IKZF3: variants seen among roughly 807,000 people sequenced by gnomAD.
IKZF3 encodes IKAROS family zinc finger 3.
IKZF3 carries 10 observed loss-of-function variants against 49.0 expected under a neutral mutation model. The observed-to-expected ratio is 0.20, with a 90% confidence interval of 0.13 to 0.35. IKZF3 has a LOEUF of 0.35. Among genes scored for constraint, IKZF3 ranks in the 10% least tolerant of loss-of-function variants. The probability of loss-of-function intolerance (pLI) is 1.00; values close to 1 mark genes in which losing one functional copy is unlikely to be tolerated. For missense variants in IKZF3, 498 were observed against 664.8 expected (o/e 0.75, Z 2.76); for synonymous variants, 209 against 228.2 (o/e 0.92, Z 0.76).
intron 7 of IKZF3, among the ~76,000 whole-genome samples, chr17:39,769,786 T>A (rs928579489): frequency 6.6e-6 from 1 of 152,238 alleles, no homozygotes; most frequent in Non-Finnish European, 1.5e-5. Context: ...GGTAGGCACA[T>A]CACAAACTCT....
intron 1 of IKZF3, among the ~76,000 whole-genome samples, chr17:39,859,464 C>T (rs1039793533): frequency 4.6e-5 from 7 of 151,610 alleles, no homozygotes; most frequent in African/African-American, 1.2e-4. Flanking sequence ...TCATGGCTCA[C>T]GGTAGCCTCG....
chr17:39,829,803 T>G (rs1003225371), intron 2 of IKZF3, among the ~76,000 whole-genome samples: 2 of 151,914 alleles, frequency 1.3e-5, no homozygotes, highest in African/African-American at 4.8e-5. Flanking sequence ...AATACAAAAA[T>G]TAGTTGGGCA....
At chr17:39,816,010 C>T (rs1002957872) in intron 3 of IKZF3, among the ~76,000 whole-genome samples, 5 of 152,124 alleles carry the variant, frequency 3.3e-5, no homozygotes, top group African/African-American at 1.2e-4. Flanking sequence ...ACTAAACATA[C>T]TCTTAAAAAT....
rs148968019 is a variant in IKZF3 at position 39,788,276 on chromosome 17, T to G, written c.691A>C (p.Thr231Pro). 2.7e-5 allele frequency: 44 copies of G among 1,612,592 alleles called. No individual in the cohort carries two copies. In the East Asian group the frequency reaches 9.4e-4, roughly 34 times the overall value. The change falls in exon 6 of 8, where the codon ACT (threonine) becomes CCT (proline). Residue 231 changes from threonine (T) to proline (P), a missense_variant. By Grantham distance (38) the Thr-to-Pro change is conservative. Coordinates refer to ENST00000346872, the MANE Select transcript of IKZF3 (RefSeq NM_012481.5). ...AACTCACCAGTGTCCCCTGGGTCAG[T>G]GCTCTGAAGAAATGTACGGCAGCGC... ...KERCRTFLQS[T>P]DPGDTASAEA...
chr17:39,788,439 G>T, intron 5 of IKZF3, 65 bp from the exon 6 acceptor site: 2 of 947,356 alleles, frequency 2.1e-6, no homozygotes, highest in Non-Finnish European at 3.5e-6. Context: ...AGGTATTGGG[G>T]CTCTGTGACA....
chr17:39,861,767 G>A (rs1268125059), intron 1 of IKZF3, among the ~76,000 whole-genome samples: 1 of 152,062 alleles, frequency 6.6e-6, no homozygotes, highest in Non-Finnish European at 1.5e-5. Flanking sequence ...TTTGGTGTAG[G>A]GGCATTCAGC....
chr17:39,856,159 T>A (rs997907434), intron 1 of IKZF3, among the ~76,000 whole-genome samples: 1 of 152,144 alleles, frequency 6.6e-6, no homozygotes, highest in African/African-American at 2.4e-5. Flanking sequence ...TAAGGTTACA[T>A]GTTACATGTC....
chr17:39,864,133 GC>G lies in IKZF3; in HGVS notation c.-8del. On this transcript the variant is annotated 5_prime_UTR_variant, in exon 1 of 8. Transcript: ENST00000346872. ...CTGGAGGCTCACCTTCCATGTCGCTGCCGGGCCGGGCTGGAGCTGCCGCTGT... is the reference window on the plus strand; with the variant it reads ...CTGGAGGCTCACCTTCCATGTCGCTGCGGGCCGGGCTGGAGCTGCCGCTGT... 6.2e-7 allele frequency: 1 copy of G among 1,612,288 alleles called. No homozygotes were observed. Among genetic ancestry groups the G allele is most frequent in the South Asian group, 1.1e-5 (1 of 91,044 alleles).
chr17:39,817,935 C>T (rs948040003), intron 3 of IKZF3, among the ~76,000 whole-genome samples: 2 of 152,100 alleles, frequency 1.3e-5, no homozygotes, highest in African/African-American at 4.8e-5. Flanking sequence ...TCACATGCTC[C>T]TTAATGATGG....
At chr17:39,798,780 C>CA (rs2061241076) in intron 3 of IKZF3, among the ~76,000 whole-genome samples, 1 of 152,154 alleles carries the variant, frequency 6.6e-6, no homozygotes, top group African/African-American at 2.4e-5. Flanking sequence ...GCTGGGATTA[C>CA]AGGCATGAGC....
At chr17:39,857,850 A>C (rs1350431228) in intron 1 of IKZF3, among the ~76,000 whole-genome samples, 1 of 151,924 alleles carries the variant, frequency 6.6e-6, no homozygotes, top group African/African-American at 2.4e-5. Flanking sequence ...CCAGCTACGC[A>C]TGGTGGCACA....
At chr17:39,796,025 G>C (rs1374869142) in intron 3 of IKZF3, among the ~76,000 whole-genome samples, 1 of 151,990 alleles carries the variant, frequency 6.6e-6, no homozygotes, top group African/African-American at 2.4e-5. Context: ...CTGGGCGACA[G>C]AGCGAGACGC....
At chr17:39,784,898 T>A (rs142163118) in intron 6 of IKZF3, among the ~76,000 whole-genome samples, 1 of 152,212 alleles carries the variant, frequency 6.6e-6, no homozygotes, top group African/African-American at 2.4e-5. Context: ...TTTTTATCCA[T>A]CTGCTTGCTT....
Position 39,766,104 on chromosome 17 carries a change from T to C in IKZF3, c.1216A>G (p.Met406Val), listed in dbSNP as rs2060283864. The change falls in exon 8 of 8, where the codon ATG (methionine) becomes GTG (valine). Residue 406 changes from methionine to valine, a missense_variant. Coordinates refer to ENST00000346872, the MANE Select transcript of IKZF3 (RefSeq NM_012481.5). ...CCATTGCGGGCCCGAGACAGGACCA[T>C]GTGATTTTGCTGATAGATGTGATTC... is the stretch of plus-strand genomic sequence containing the variant. ...RQNHIYQQNH[M>V]VLSRARNGMP... The C allele has an allele frequency of 1.2e-6, 2 of 1,614,026 alleles. No homozygotes were observed. The highest frequency in any genetic ancestry group is 1.1e-5 in the South Asian group (1 of 91,072).
chr17:39,801,544 A>G (rs1036137128), intron 3 of IKZF3, among the ~76,000 whole-genome samples: 2 of 152,240 alleles, frequency 1.3e-5, no homozygotes, highest in Admixed American at 1.3e-4. Context: ...CTGTCGCCCA[A>G]TCTAGCACAA....
Position 39,864,239 on chromosome 17 carries a change from TCC to T in IKZF3, c.-115_-114del. 7.9e-7 allele frequency: 1 copy of T among 1,261,422 alleles called. No individual in the cohort carries two copies. Among genetic ancestry groups the T allele is most frequent in the East Asian group, 2.6e-5 (1 of 38,834 alleles). The allele number at this position is 1,261,422 out of a possible 1,614,324, so 78.1% of individuals were successfully genotyped here. A position where few individuals can be genotyped will look rare whatever the true frequency, so the allele number is the denominator to read the frequency against. Reference sequence around the variant, plus strand: ...GGCGGGAGATTCCCGGCGCGGGGAGTCCCCGGGATCCGGCAGCCGCGTCGGCG... The same window carrying T: ...GGCGGGAGATTCCCGGCGCGGGGAGTCCGGGATCCGGCAGCCGCGTCGGCG... On this transcript the variant is annotated 5_prime_UTR_variant, in exon 1 of 8. Transcript: ENST00000346872.
chr17:39,818,813 G>A (rs994209409), intron 3 of IKZF3, among the ~76,000 whole-genome samples: 2 of 152,108 alleles, frequency 1.3e-5, no homozygotes, highest in Non-Finnish European at 2.9e-5. Context: ...AGCTGAGCTC[G>A]CACCACCGCA....
intron 7 of IKZF3, 36 bp downstream of exon 7, chr17:39,777,614 CT>C (rs750640356): frequency 2.1e-6 from 3 of 1,423,680 alleles, no homozygotes; most frequent in Non-Finnish European, 3.0e-6. Flanking sequence ...TTCAAACTAT[CT>C]GCTAACAACA....
At chr17:39,852,255 C>T (rs12939306) in intron 1 of IKZF3, among the ~76,000 whole-genome samples, 4,066 of 151,348 alleles carry the variant, frequency 0.027, 190 homozygotes, top group African/African-American at 0.093. Flanking sequence ...TCTTCTTCAC[C>T]CTCATAGCTA....
Sources: allele counts gnomAD v4.1 joint callset (sites outside exome capture counted in the v4.1 genomes callset), GRCh38; gene constraint gnomAD v4.1.1; transcripts MANE v1.5; gene names NCBI Gene and HGNC (gene_info 2026-07-23, HGNC 2026-07-21).